The following TCAF1 variants were observed in gnomAD, a reference collection of about 807,000 sequenced individuals.
The protein encoded by TCAF1 is TRPM8 channel associated factor 1.
TCAF1 carries 4 observed loss-of-function variants against 27.3 expected under a neutral mutation model. That is an observed-to-expected ratio of 0.15 (90% CI 0.07 to 0.34). The LOEUF (loss-of-function observed/expected upper bound fraction) is 0.34. TCAF1 is among the 10% of genes least tolerant of loss of function. The pLI is 1.00. For synonymous variants in TCAF1, 105 were observed against 167.1 expected (o/e 0.63, Z 2.87); for missense variants, 257 against 425.8 (o/e 0.60, Z 3.49).
At position 143,859,889 on chromosome 7, in the gene TCAF1, A is replaced by ACAC. The variant is rs1189129653; in HGVS notation, c.2167+318_2167+319insGTG. 2.2e-3 allele frequency among the ~76,000 whole-genome samples: 188 copies of ACAC among 86,666 alleles called. 7 individuals are homozygous for ACAC. The highest frequency in any genetic ancestry group is 4.1e-3 in the African/African-American group (90 of 21,856). 56.9% of individuals were successfully genotyped at this position (86,666 alleles called of 152,430 possible). A position where few individuals can be genotyped will look rare whatever the true frequency, so the allele number is the denominator to read the frequency against. ...CACATATACATATATACATATATAT[A>ACAC]ATATATATTATATAATATATATTAC... On this transcript the variant is annotated intron_variant, in intron 6 of 8. Transcript: ENST00000479870.
chr7:143,859,903 A>T (rs1307644976), intron 6 of TCAF1, among the ~76,000 whole-genome samples: 1 of 66,246 alleles, frequency 1.5e-5, no homozygotes, highest in Non-Finnish European at 2.7e-5. Context: ...TATATTATAT[A>T]ATATATATTA....
In TCAF1 at chr7:143,876,387, C is replaced by A; in HGVS notation, c.222G>T (p.Thr74=). Residue 74 remains threonine, a synonymous_variant, in exon 2 of 9, where the codon ACG becomes ACT. Transcript: ENST00000479870. ...HEDYLVEAQL[T]PFLLNAVGWL... ...ACCCCACTGCGTTCAGGAGAAAGGG[C>A]GTGAGCTGGGCTTCCACCAAGTAGT... 1 of 1,614,026 alleles carries A rather than the reference C, an allele frequency of 6.2e-7. No homozygotes were observed. The highest frequency in any genetic ancestry group is 1.3e-5 in the African/African-American group (1 of 75,054).
chr7:143,870,353 A>T (rs1812395447), intron 2 of TCAF1, among the ~76,000 whole-genome samples: 1 of 152,084 alleles, frequency 6.6e-6, no homozygotes, highest in Admixed American at 6.6e-5. Flanking sequence ...AAAGTATTTA[A>T]AGGCATATCT....
intron 1 of TCAF1, among the ~76,000 whole-genome samples, chr7:143,895,860 A>G (rs556842260): frequency 6.6e-6 from 1 of 150,542 alleles, no homozygotes; most frequent in South Asian, 2.1e-4. Context: ...TAAAATTAAA[A>G]CATCAGAACT....
intron 1 of TCAF1, among the ~76,000 whole-genome samples, chr7:143,900,975 A>G (rs1814087253): frequency 6.6e-6 from 1 of 152,194 alleles, no homozygotes; most frequent in Admixed American, 6.5e-5. Context: ...TAAAAAGAAA[A>G]GCAAGGGATT....
At chr7:143,888,098 C>T (rs1318848649) in intron 1 of TCAF1, among the ~76,000 whole-genome samples, 2 of 152,132 alleles carry the variant, frequency 1.3e-5, no homozygotes, top group African/African-American at 4.8e-5. Context: ...ATGCAAATAT[C>T]TAACTTTAAT....
At chr7:143,882,633 G>A (rs1373650299) in intron 1 of TCAF1, 2 of 525,900 alleles carry the variant, frequency 3.8e-6, no homozygotes, top group Non-Finnish European at 4.8e-6. Flanking sequence ...CCGCACCCCC[G>A]CCCCGGCCTC....
intron 1 of TCAF1, among the ~76,000 whole-genome samples, chr7:143,897,143 T>C (rs1191104207): frequency 2.4e-5 from 1 of 40,832 alleles, no homozygotes; most frequent in East Asian, 5.7e-4. Flanking sequence ...TATATATATA[T>C]ATATATATAT....
intron 1 of TCAF1, chr7:143,886,399 A>G: frequency 1.7e-6 from 1 of 578,760 alleles, no homozygotes; most frequent in Non-Finnish European, 2.2e-6. Context: ...TGAAAGGGAC[A>G]GGGTACGACA....
chr7:143,876,914 T>G (rs1812749677), intron 1 of TCAF1, among the ~76,000 whole-genome samples: 2 of 152,132 alleles, frequency 1.3e-5, no homozygotes, highest in African/African-American at 2.4e-5. Flanking sequence ...AAAGAGATAT[T>G]TTGAAGTCCT....
chr7:143,897,255 C>T (rs1193838536), intron 1 of TCAF1, among the ~76,000 whole-genome samples: 1 of 149,516 alleles, frequency 6.7e-6, no homozygotes, highest in African/African-American at 2.4e-5. Context: ...CTCTGCCACC[C>T]CCAAAGACAG....
At chr7:143,901,020 C>T (rs1814088402) in intron 1 of TCAF1, among the ~76,000 whole-genome samples, 1 of 152,174 alleles carries the variant, frequency 6.6e-6, no homozygotes, top group South Asian at 2.1e-4. Context: ...AAAGATGTCA[C>T]ATCTCAGAGA....
chr7:143,883,930 A>T (rs1025429633), intron 1 of TCAF1, among the ~76,000 whole-genome samples: 1 of 152,326 alleles, frequency 6.6e-6, no homozygotes, highest in South Asian at 2.1e-4. Flanking sequence ...ACAGGGACCC[A>T]GACTAAGTGG....
At chr7:143,890,019 C>T (rs184303103) in intron 1 of TCAF1, among the ~76,000 whole-genome samples, 390 of 151,980 alleles carry the variant, frequency 2.6e-3, no homozygotes, top group Non-Finnish European at 3.9e-3. Context: ...GACGGAGTCT[C>T]GCTCTGTTGC....
intron 1 of TCAF1, among the ~76,000 whole-genome samples, chr7:143,883,543 T>C (rs1466644252): frequency 1.4e-5 from 2 of 145,344 alleles, no homozygotes; most frequent in African/African-American, 5.2e-5. Context: ...TCTCGCTCTG[T>C]CGCCCAGGCT....
intron 1 of TCAF1, chr7:143,882,901 G>T: frequency 3.1e-6 from 3 of 981,874 alleles, no homozygotes; most frequent in Non-Finnish European, 3.6e-6. Flanking sequence ...GTTTCCACGG[G>T]AGTCCCCTCC....
At chr7:143,894,837 T>C (rs549714611) in intron 1 of TCAF1, among the ~76,000 whole-genome samples, 1 of 151,626 alleles carries the variant, frequency 6.6e-6, no homozygotes, top group Non-Finnish European at 1.5e-5. Context: ...AAAATATATA[T>C]GCATATTCGG....
At chr7:143,889,817 A>T (rs1315685755) in intron 1 of TCAF1, among the ~76,000 whole-genome samples, 1 of 152,202 alleles carries the variant, frequency 6.6e-6, no homozygotes, top group Non-Finnish European at 1.5e-5. Flanking sequence ...AACACCCAGG[A>T]AAGCTTCACC....
chr7:143,877,435 C>G (rs1192721427), intron 1 of TCAF1, among the ~76,000 whole-genome samples: 1 of 152,170 alleles, frequency 6.6e-6, no homozygotes, highest in African/African-American at 2.4e-5. Context: ...GTTCTTTGGT[C>G]AAAGCCACAG....
Sources: gnomAD v4.1 joint callset for allele counts (sites outside exome capture counted in the v4.1 genomes callset) on GRCh38, gnomAD v4.1.1 for gene constraint, MANE v1.5 for transcripts, NCBI Gene and HGNC (gene_info 2026-07-23, HGNC 2026-07-21) for gene names.